The following PTPRB variants were observed in gnomAD, a reference collection of about 807,000 sequenced individuals.
The protein encoded by PTPRB is receptor-type tyrosine-protein phosphatase beta.
PTPRB carries 97 observed loss-of-function variants against 238.1 expected under a neutral mutation model. The ratio of observed to expected loss-of-function variants is 0.41; its 90% confidence interval spans 0.35 to 0.48. The LOEUF (loss-of-function observed/expected upper bound fraction) is 0.48. Among genes scored for constraint, PTPRB ranks in the 20% least tolerant of loss-of-function variants. PTPRB has a pLI of 0.30. For missense variants in PTPRB, 2,292 were observed against 2,681.9 expected, an observed-to-expected ratio of 0.85 and a Z score of 3.21; for synonymous variants, 970 against 995.4, an observed-to-expected ratio of 0.97 and a Z score of 0.48.
At position 70,544,077 on chromosome 12, in the gene PTPRB, G is replaced by A. The variant is rs199731705; in HGVS notation, c.5494+480C>T. Among the ~76,000 whole-genome samples the A allele has an allele frequency of 1.2e-4, 19 of 152,176 alleles. No individual in the cohort carries two copies. The East Asian group carries it at 3.3e-3, about 26-fold the overall frequency. Reference sequence around the variant, plus strand: ...CAGTCTTTTATATTAATGGTTTTTAGTACTACAAAGTCAACACATAATAAG... The same window carrying A: ...CAGTCTTTTATATTAATGGTTTTTAATACTACAAAGTCAACACATAATAAG... On this transcript the variant is annotated intron_variant, in intron 22 of 33. Coordinates refer to ENST00000334414, the MANE Select transcript of PTPRB (RefSeq NM_001109754.4).
At chr12:70,529,132 G>A in intron 32 of PTPRB, among the ~76,000 whole-genome samples, 1 of 152,082 alleles carries the variant, frequency 6.6e-6, no homozygotes, top group Non-Finnish European at 1.5e-5. Context: ...ACATTAAGAA[G>A]GCAAGCTGAG....
At chr12:70,633,736 G>A (rs2717420) in intron 2 of PTPRB, among the ~76,000 whole-genome samples, 15,244 of 151,930 alleles carry the variant, frequency 0.1, 993 homozygotes, top group East Asian at 0.24. Context: ...CCTTATTTTC[G>A]AAGTCTATTA....
At chr12:70,526,153 A>G (rs1342230482) in intron 32 of PTPRB, among the ~76,000 whole-genome samples, 1 of 152,148 alleles carries the variant, frequency 6.6e-6, no homozygotes, top group Non-Finnish European at 1.5e-5. Context: ...CCATGGGACT[A>G]TATAAGGTAG....
At position 70,596,154 on chromosome 12, in the gene PTPRB, C is replaced by G. The variant is rs1882991707; in HGVS notation, c.1153G>C (p.Glu385Gln). ...GCAGTGAGATTGAAAAAAGTGTATT[C>G]ATTCCATGAAGTACTTTCTTGAATT... Reference protein sequence around the residue: ...VQIQESTSWNEYTFFNLTAGS... With the variant: ...VQIQESTSWNQYTFFNLTAGS... The change falls in exon 5 of 34, where the codon GAA becomes CAA. Residue 385 changes from glutamate (E) to glutamine (Q), a missense_variant. Physicochemically the swap from Glu to Gln is conservative, Grantham distance 29. Around this residue, in one of 4 missense-constraint regions of PTPRB, gnomAD observed 1,205 missense variants for 1,287.8 expected, o/e 0.94. Coordinates refer to ENST00000334414, the MANE Select transcript of PTPRB (RefSeq NM_001109754.4). The G allele has an allele frequency of 6.2e-7, 1 of 1,613,550 alleles. No individual in the cohort carries two copies. Among genetic ancestry groups the G allele is most frequent in the Non-Finnish European group, 8.5e-7 (1 of 1,179,640 alleles).
rs1882562024 is a variant in PTPRB, at chr12:70,592,289, G to A, written c.1773C>T (p.Gly591=). The A allele has an allele frequency of 3.1e-6, 5 of 1,613,970 alleles. No homozygotes were observed. In the East Asian group the frequency reaches 6.7e-5, roughly 22 times the overall value. Residue 591 remains glycine, a synonymous_variant, in exon 7 of 34, where the codon GGC becomes GGT. Coordinates refer to ENST00000334414, the MANE Select transcript of PTPRB (RefSeq NM_001109754.4). ...CTGGAGCCCAAGACTCACATGTTCT[G>A]CCCACTGCCATCTTCTGAGCAGACA... ...GELSAQKMAV[G]RTFPDKVANL...
chr12:70,554,399 A>G (rs2136304908), intron 20 of PTPRB, among the ~76,000 whole-genome samples: 1 of 152,338 alleles, frequency 6.6e-6, no homozygotes, highest in South Asian at 2.1e-4. Context: ...TGGAGAAATA[A>G]CACACAAGAC....
intron 3 of PTPRB, among the ~76,000 whole-genome samples, chr12:70,620,128 A>G (rs1372845636): frequency 6.6e-6 from 1 of 152,230 alleles, no homozygotes; most frequent in Non-Finnish European, 1.5e-5. Context: ...CAAGAAAAAA[A>G]CTGGAACATG....
At chr12:70,602,276 G>A (rs1883577014) in intron 4 of PTPRB, among the ~76,000 whole-genome samples, 1 of 152,156 alleles carries the variant, frequency 6.6e-6, no homozygotes, top group African/African-American at 2.4e-5. Context: ...AGAGAACCAT[G>A]TCAGCACTGA....
Position 70,539,649 on chromosome 12 carries a change from G to A in PTPRB, c.5754C>T (p.Asn1918=). 4 of 1,577,134 alleles carry A rather than the reference G, an allele frequency of 2.5e-6. No homozygotes were observed. Among genetic ancestry groups the A allele is most frequent in the Non-Finnish European group, 3.5e-6 (4 of 1,156,658 alleles). The change falls in exon 26 of 34, where the codon AAC becomes AAT. Residue 1918 remains asparagine (N), a synonymous_variant. Transcript: ENST00000334414. ...CCTCGTATTCCTTGGATAGAAGGTA[G>A]TTGGAGTCAGCCTGTAGCTTCATGA... ...GHFMKLQADS[N]YLLSKEYEEL... is the part of the protein sequence containing the mutation.
intron 4 of PTPRB, among the ~76,000 whole-genome samples, chr12:70,602,083 C>T (rs1266163801): frequency 6.6e-6 from 1 of 152,140 alleles, no homozygotes; most frequent in African/African-American, 2.4e-5. Flanking sequence ...GCGTGAGCCA[C>T]CGCATCTAGC....
intron 28 of PTPRB, among the ~76,000 whole-genome samples, chr12:70,537,474 C>A (rs1874347571): frequency 6.6e-6 from 1 of 152,044 alleles, no homozygotes; most frequent in South Asian, 2.1e-4. Flanking sequence ...CTGAGAGTTC[C>A]TTTAGGGTCA....
Position 70,528,279 on chromosome 12 carries a change from G to T in PTPRB, c.6505-3688C>A, listed in dbSNP as rs1043181321. ...CATGAAGCTGGAGGAGTAAGTAGGG[G>T]CCAGGTTATAAAGAAGCTTGTACCC... On this transcript the variant is annotated intron_variant, in intron 32 of 33. Transcript: ENST00000334414. 4.2e-4 allele frequency among the ~76,000 whole-genome samples: 64 copies of T among 152,150 alleles called. 2 individuals are homozygous for T. Among genetic ancestry groups the T allele is most frequent in the Middle Eastern group, 3.2e-3 (1 of 316 alleles).
intron 2 of PTPRB, among the ~76,000 whole-genome samples, chr12:70,633,339 C>A (rs1885536909): frequency 6.6e-6 from 1 of 152,082 alleles, no homozygotes; most frequent in Non-Finnish European, 1.5e-5. Context: ...CTTTGGGAGG[C>A]TGAGGTGGGA....
intron 3 of PTPRB, among the ~76,000 whole-genome samples, chr12:70,616,691 C>A (rs1376246232): frequency 1.3e-5 from 2 of 152,306 alleles, no homozygotes; most frequent in East Asian, 3.9e-4. Context: ...CTTTTGATCT[C>A]ATTTTGCTTT....
At chr12:70,555,817 G>C in intron 19 of PTPRB, 53 bp downstream of exon 19, 1 of 1,586,304 alleles carries the variant, frequency 6.3e-7, no homozygotes, top group South Asian at 1.1e-5. Context: ...AAGGTGCACA[G>C]CCCCTTCACT....
Position 70,636,928 on chromosome 12 carries a change from A to G in PTPRB, c.55+413T>C, listed in dbSNP as rs142955608. On this transcript the variant is annotated intron_variant, in intron 1 of 33. Transcript: ENST00000334414. ...CCTCCCAAATGACAACTTCCAAATA[A>G]AACACACTACATTTCCTCACCCCCT... Among the ~76,000 whole-genome samples, 18 of 152,306 alleles carry G rather than the reference A, an allele frequency of 1.2e-4. No homozygotes were observed. The East Asian group carries it at 3.5e-3, about 29-fold the overall frequency.
chr12:70,608,875 G>A, intron 4 of PTPRB, 194 bp downstream of exon 4: 4 of 773,452 alleles, frequency 5.2e-6, no homozygotes, highest in Non-Finnish European at 8.0e-6. Context: ...TCAGCACTAA[G>A]GGAGTCTCTG....
intron 4 of PTPRB, among the ~76,000 whole-genome samples, chr12:70,597,703 A>G (rs1345455711): frequency 2.6e-5 from 4 of 152,182 alleles, no homozygotes; most frequent in Admixed American, 2.6e-4. Flanking sequence ...TGTGTTCACA[A>G]TATAACACCA....
chr12:70,542,986 T>C (rs1343684709), intron 22 of PTPRB: 1 of 152,052 alleles, frequency 6.6e-6, no homozygotes, highest in African/African-American at 2.4e-5. Flanking sequence ...GAGTTCTTTA[T>C]ATGCTATTCA....
Sources: allele counts gnomAD v4.1 joint callset (sites outside exome capture counted in the v4.1 genomes callset), GRCh38; gene constraint gnomAD v4.1.1; regional missense constraint gnomAD v4.1.1; transcripts MANE v1.5; gene names NCBI Gene and HGNC (gene_info 2026-07-23, HGNC 2026-07-21).